The following MME variants were observed in gnomAD, a reference collection of about 807,000 sequenced individuals.
MME encodes neprilysin.
Under a neutral mutation model 113.2 loss-of-function variants are expected in MME, and 98 were observed. The observed-to-expected ratio is 0.87, with a 90% CI of 0.74 to 1.02. MME has a LOEUF of 1.02. Ranked by LOEUF, MME falls within the 50% of genes least tolerant of loss-of-function variation. MME has a pLI of 0.00. For synonymous variants in MME, 292 were observed against 300.6 expected (o/e 0.97, Z 0.30); for missense variants, 836 against 896.0 (o/e 0.93, Z 0.86).
At chr3:155,075,278 T>C (rs139438870), upstream of MME, among the ~76,000 whole-genome samples, 32 of 152,228 alleles carry the variant, frequency 2.1e-4, no homozygotes, top group East Asian at 6.0e-3. Context: ...ATATATTTTT[T>C]GAACTATTTT....
intron 22 of MME, among the ~76,000 whole-genome samples, chr3:155,174,325 C>CGTGTGTGTGT (rs3839085): frequency 2.0e-4 from 22 of 110,328 alleles, no homozygotes; most frequent in East Asian, 1.5e-3. Flanking sequence ...ACAACAGAAG[C>CGTGTGTGTGT]GTGTGTGTGT....
At chr3:155,064,788 A>T (rs1576679197) in intron 1 of MME, among the ~76,000 whole-genome samples, 1 of 152,310 alleles carries the variant, frequency 6.6e-6, no homozygotes, top group East Asian at 1.9e-4. Context: ...GGAGATTAGA[A>T]GTCTGAAATC....
At chr3:155,103,684 A>G (rs573493376) in intron 3 of MME, among the ~76,000 whole-genome samples, 4 of 152,228 alleles carry the variant, frequency 2.6e-5, no homozygotes, top group South Asian at 2.1e-4. Flanking sequence ...TTCTTTTCCA[A>G]CTGTGGTTTG....
At chr3:155,030,822 G>A (rs1385028683) in intron 1 of MME, among the ~76,000 whole-genome samples, 5 of 152,188 alleles carry the variant, frequency 3.3e-5, no homozygotes, top group Non-Finnish European at 7.3e-5. Context: ...GCCTATGCAT[G>A]AAGGTCCAAA....
In MME at chr3:155,071,818, T is replaced by A. The variant is rs549691102; in HGVS notation, c.-10-12340T>A. Among the ~76,000 whole-genome samples, 3 of 152,282 alleles carry A rather than the reference T, an allele frequency of 2.0e-5. No individual in the cohort carries two copies. The East Asian group carries it at 5.8e-4, about 29-fold the overall frequency. ...AGTCCTATGGATTTTACCTCAAAAA[T>A]CTCTCCAATTGCCTTAGATCACTTA... On this transcript the variant is annotated intron_variant, in intron 1 of 22. Transcript: ENST00000492661.
rs776529435 is a variant in MME at position 155,170,465 on chromosome 3, CT to C, written c.1981-1648del. On this transcript the variant is annotated intron_variant, in intron 20 of 22. Transcript: ENST00000360490. ...ATCTTTTTGGGTCTTCCTTTTGTAA[CT>C]TTTATTGGTTGGGATGGGGACAGTG... 5.9e-5 allele frequency among the ~76,000 whole-genome samples: 9 copies of C among 152,098 alleles called. No individual in the cohort carries two copies. The East Asian group carries it at 1.7e-3, about 29-fold the overall frequency.
chr3:155,159,084 G>C (rs1722522415), intron 16 of MME: 1 of 151,872 alleles, frequency 6.6e-6, no homozygotes, highest in South Asian at 2.1e-4. Context: ...CCCATTCTTA[G>C]AATTTATCAG....
At chr3:155,063,127 T>C (rs1412123735) in intron 1 of MME, among the ~76,000 whole-genome samples, 1 of 117,852 alleles carries the variant, frequency 8.5e-6, no homozygotes, top group South Asian at 2.5e-4. Flanking sequence ...TATATATTTA[T>C]GTTATATAAT....
intron 3 of MME, chr3:155,090,617 G>A (rs62279987): frequency 6.6e-6 from 1 of 151,976 alleles, no homozygotes; most frequent in Admixed American, 6.5e-5. Context: ...AATGGAGAAG[G>A]CTCCTTCGTG....
chr3:155,156,622 G>T, intron 16 of MME, among the ~76,000 whole-genome samples: 1 of 152,254 alleles, frequency 6.6e-6, no homozygotes, highest in South Asian at 2.1e-4. Flanking sequence ...TTTGAAAGAT[G>T]AATAAAAGTA....
chr3:155,028,979 C>T (rs1357792697), intron 1 of MME, among the ~76,000 whole-genome samples: 1 of 152,228 alleles, frequency 6.6e-6, no homozygotes, highest in East Asian at 1.9e-4. Context: ...ATAAGTCAAT[C>T]ATTTAGCCAA....
chr3:155,109,174 G>T (rs998461922), intron 3 of MME, among the ~76,000 whole-genome samples: 1 of 149,868 alleles, frequency 6.7e-6, no homozygotes, highest in Non-Finnish European at 1.5e-5. Flanking sequence ...CCAAAACCAG[G>T]CCTGTTGGTG....
intron 1 of MME, among the ~76,000 whole-genome samples, chr3:155,070,688 T>A (rs1335291985): frequency 6.6e-6 from 1 of 152,126 alleles, no homozygotes; most frequent in African/African-American, 2.4e-5. Flanking sequence ...CCAAGAGAAG[T>A]TGGGAATTGA....
At chr3:155,079,344 G>GGAGA (rs1714908396), upstream of MME, among the ~76,000 whole-genome samples, 1 of 152,090 alleles carries the variant, frequency 6.6e-6, no homozygotes, top group Admixed American at 6.6e-5. Context: ...GGTCCACAGG[G>GGAGA]GAGAGATGGA....
At chr3:155,122,322 G>T in intron 8 of MME, among the ~76,000 whole-genome samples, 1 of 149,172 alleles carries the variant, frequency 6.7e-6, no homozygotes. Context: ...TTCTTTATTA[G>T]TCTTACTAGC....
chr3:155,127,456 G>A (rs1156989488), intron 8 of MME, among the ~76,000 whole-genome samples: 1 of 152,210 alleles, frequency 6.6e-6, no homozygotes, highest in East Asian at 1.9e-4. Context: ...CGCAGAACTT[G>A]CATACATTCC....
intron 8 of MME, among the ~76,000 whole-genome samples, chr3:155,126,435 G>T: frequency 6.7e-6 from 1 of 149,956 alleles, no homozygotes; most frequent in African/African-American, 2.5e-5. Flanking sequence ...TTAAGATGTT[G>T]CATTTTTGCA....
chr3:155,146,362 C>CA (rs201153522), intron 14 of MME, among the ~76,000 whole-genome samples: 3,788 of 151,498 alleles, frequency 0.025, 167 homozygotes, highest in African/African-American at 0.088. Flanking sequence ...GCTGTCTCTA[C>CA]AAAAAATACA....
chr3:155,028,475 G>A lies in MME; in HGVS notation c.-11+4151G>A, dbSNP rs75784149. Among the ~76,000 whole-genome samples, 819 of 152,192 alleles carry A rather than the reference G, an allele frequency of 5.4e-3. 4 individuals carry two copies. Among genetic ancestry groups the A allele is most frequent in the African/African-American group, 0.019 (792 of 41,526 alleles). ...ATGTGGCTGCTCATTATTAGCAAGGGGATCACCTGGTGTAGCAGATGCTGT... is the reference window on the plus strand; with the variant it reads ...ATGTGGCTGCTCATTATTAGCAAGGAGATCACCTGGTGTAGCAGATGCTGT... On this transcript the variant is annotated intron_variant, in intron 1 of 22. Transcript: ENST00000492661.
Sources: allele counts gnomAD v4.1 joint callset (sites outside exome capture counted in the v4.1 genomes callset), GRCh38; gene constraint gnomAD v4.1.1; transcripts MANE v1.5; gene names NCBI Gene and HGNC (gene_info 2026-07-23, HGNC 2026-07-21).